CCDC32: variants seen among roughly 807,000 people sequenced by gnomAD.
The protein encoded by CCDC32 is coiled-coil domain containing 32, also known as coiled-coil domain-containing protein 32.
In CCDC32, 9 loss-of-function variants were observed where a neutral mutation model predicts 20.1. That is an observed-to-expected ratio of 0.45 (90% CI 0.27 to 0.78). The LOEUF is 0.78. Among genes scored for constraint, CCDC32 ranks in the 30% least tolerant of loss-of-function variants. The pLI is 0.16. For synonymous variants in CCDC32, 63 were observed against 79.0 expected (o/e 0.80, Z 1.07); for missense variants, 204 against 215.5 (o/e 0.95, Z 0.33).
At chr15:40,529,636 A>C (rs1305065253) in intron 3 of CCDC32, 1 of 151,834 alleles carries the variant, frequency 6.6e-6, no homozygotes, top group Admixed American at 6.6e-5. Flanking sequence ...CCCCTGCGCA[A>C]GGATGATCAG....
At chr15:40,541,836 C>A (rs143366837) in intron 3 of CCDC32, among the ~76,000 whole-genome samples, 1 of 152,356 alleles carries the variant, frequency 6.6e-6, no homozygotes, top group East Asian at 1.9e-4. Flanking sequence ...TTTTTGTGAT[C>A]TTCCAACCCA....
At chr15:40,550,725 C>T (rs1454208543), downstream of CCDC32, among the ~76,000 whole-genome samples, 2 of 152,320 alleles carry the variant, frequency 1.3e-5, no homozygotes, top group East Asian at 1.9e-4. Context: ...GGTTCCCTTC[C>T]GTGGAGTCGT....
At chr15:40,564,852 C>A (rs918609831) in intron 1 of CCDC32, 124 bp downstream of exon 1, 2 of 1,595,812 alleles carry the variant, frequency 1.3e-6, no homozygotes, top group Non-Finnish European at 1.7e-6. Context: ...AGGCCTCAGT[C>A]GCTCAGGTCT....
intron 3 of CCDC32, chr15:40,529,589 C>T (rs1407843243): frequency 6.6e-6 from 1 of 150,904 alleles, no homozygotes; most frequent in Non-Finnish European, 1.5e-5. Flanking sequence ...TCCCGCAGTG[C>T]ATATACTAAA....
intron 3 of CCDC32, 163 bp downstream of exon 3, chr15:40,557,053 A>G (rs554694555): frequency 7.5e-5 from 51 of 683,622 alleles, no homozygotes; most frequent in Admixed American, 2.9e-4. Context: ...AATGAACACA[A>G]TGCTTTATCC....
chr15:40,532,714 CTTTTTTT>C (rs1189285245), downstream of CCDC32, among the ~76,000 whole-genome samples: 371 of 91,440 alleles, frequency 4.1e-3, 1 homozygote, highest in African/African-American at 0.014. Flanking sequence ...TGTTTTCTTT[CTTTTTTT>C]TTTTTTTTTT....
intron 3 of CCDC32, among the ~76,000 whole-genome samples, chr15:40,546,503 C>G (rs1210119637): frequency 6.6e-6 from 1 of 151,654 alleles, no homozygotes; most frequent in Non-Finnish European, 1.5e-5. Context: ...TTCACTTTCT[C>G]TTAGTTTCCA....
downstream of CCDC32, among the ~76,000 whole-genome samples, chr15:40,552,509 A>C (rs1169634428): frequency 1.3e-5 from 2 of 151,022 alleles, no homozygotes; most frequent in Non-Finnish European, 3.0e-5. Flanking sequence ...AAAAGAGGAA[A>C]GTATATTTGA....
chr15:40,549,282 C>T (rs532927812), downstream of CCDC32, among the ~76,000 whole-genome samples: 1 of 152,286 alleles, frequency 6.6e-6, no homozygotes, highest in South Asian at 2.1e-4. Context: ...CCTCACCTCT[C>T]GTCTGTCCCT....
chr15:40,529,060 G>C (rs1894936284), intron 3 of CCDC32, among the ~76,000 whole-genome samples: 1 of 152,158 alleles, frequency 6.6e-6, no homozygotes, highest in African/African-American at 2.4e-5. Context: ...AGGCTTCCAG[G>C]GTCACAGAAA....
downstream of CCDC32, among the ~76,000 whole-genome samples, chr15:40,549,710 C>G (rs914501118): frequency 2.0e-5 from 3 of 152,242 alleles, no homozygotes; most frequent in Non-Finnish European, 2.9e-5. Flanking sequence ...CTTAAATAAC[C>G]TATTTCTGGG....
chr15:40,524,739 C>CTTTTTTTTTTTTT (rs758786719), downstream of CCDC32, among the ~76,000 whole-genome samples: 15 of 95,194 alleles, frequency 1.6e-4, no homozygotes, highest in African/African-American at 6.8e-4. Flanking sequence ...CTTTTTCTTT[C>CTTTTTTTTTTTTT]TTTTTTTTTT....
chr15:40,551,890 C>T (rs1173655582), downstream of CCDC32, among the ~76,000 whole-genome samples: 1 of 151,114 alleles, frequency 6.6e-6, no homozygotes, highest in Non-Finnish European at 1.5e-5. Context: ...TGGTGACTTG[C>T]ACCTGTAATC....
chr15:40,559,689 C>T (rs1462340422), intron 2 of CCDC32, among the ~76,000 whole-genome samples: 2 of 152,170 alleles, frequency 1.3e-5, no homozygotes, highest in Non-Finnish European at 2.9e-5. Flanking sequence ...CAAGATATTT[C>T]TTAGCTATCA....
chr15:40,539,565 C>T (rs750159680), intron 3 of CCDC32, among the ~76,000 whole-genome samples: 4 of 152,056 alleles, frequency 2.6e-5, no homozygotes, highest in African/African-American at 4.8e-5. Context: ...AAGAGACAAA[C>T]GGAGGCACAG....
downstream of CCDC32, among the ~76,000 whole-genome samples, chr15:40,550,872 G>A (rs1434531310): frequency 6.6e-6 from 1 of 152,180 alleles, no homozygotes; most frequent in Admixed American, 6.5e-5. Context: ...TAGAAAATGG[G>A]AAGTAGGGAA....
At position 40,553,444 on chromosome 15, in the gene CCDC32, T is replaced by G; in HGVS notation, c.*527A>C. The G allele has an allele frequency of 1.0e-6, 1 of 985,720 alleles. No individual in the cohort carries two copies. Among genetic ancestry groups the G allele is most frequent in the Non-Finnish European group, 1.2e-6 (1 of 830,280 alleles). The allele number at this position is 985,720 out of a possible 1,614,324, so 61.1% of individuals were successfully genotyped here. On this transcript the variant is annotated 3_prime_UTR_variant, in exon 4 of 4. Coordinates refer to ENST00000416810, the MANE Select transcript of CCDC32 (RefSeq NM_001080792.4). ...TGGAGTCCGTATACTTACTACAGAT[T>G]TGTTAGAGAAGCCCCAGATGGGGCT...
chr15:40,560,774 A>G (rs1242604658), intron 2 of CCDC32, among the ~76,000 whole-genome samples: 3 of 152,242 alleles, frequency 2.0e-5, no homozygotes, highest in Non-Finnish European at 4.4e-5. Context: ...GCTGATGGGA[A>G]TGTAAATCAG....
chr15:40,544,177 T>C (rs1165442553), intron 3 of CCDC32, among the ~76,000 whole-genome samples: 1 of 152,130 alleles, frequency 6.6e-6, no homozygotes, highest in Non-Finnish European at 1.5e-5. Context: ...ATGATGAGCA[T>C]GTGACCCAGG....
Sources: allele counts gnomAD v4.1 joint callset (sites outside exome capture counted in the v4.1 genomes callset), GRCh38; gene constraint gnomAD v4.1.1; transcripts MANE v1.5; gene names NCBI Gene and HGNC (gene_info 2026-07-23, HGNC 2026-07-21).